PLEC: variants seen among roughly 807,000 people sequenced by gnomAD.
PLEC encodes plectin.
Under a neutral mutation model 392.8 loss-of-function variants are expected in PLEC, and 216 were observed. The observed-to-expected ratio is 0.55, with a 90% CI of 0.49 to 0.62. The LOEUF is 0.62. Among genes scored for constraint, PLEC ranks in the 20% least tolerant of loss-of-function variants. The probability of loss-of-function intolerance (pLI) is 0.00; values close to 1 mark genes in which losing one functional copy is unlikely to be tolerated. For missense variants in PLEC, 6,863 were observed against 6,563.4 expected (o/e 1.05, Z -1.58); for synonymous variants, 3,621 against 2,980.6 (o/e 1.21, Z -7.00).
At chr8:143,945,625 G>A (rs1554731772) in intron 1 of PLEC, among the ~76,000 whole-genome samples, 1 of 152,210 alleles carries the variant, frequency 6.6e-6, no homozygotes, top group African/African-American at 2.4e-5. Context: ...ATACCATGAA[G>A]GCCTCATACA....
In PLEC at chr8:143,944,803, GC is replaced by G; in HGVS notation, c.523+5380del. On this transcript the variant is annotated intron_variant, in intron 1 of 31. Transcript: ENST00000322810. ...CACGGCCGTGCTGCTGTCAGCAGCA[GC>G]TTGTGGGGGAGGGGAGCAGTGGGCA... 8.9e-6 allele frequency: 8 copies of G among 898,964 alleles called. No individual in the cohort carries two copies. In the East Asian group the frequency reaches 2.7e-4, roughly 30 times the overall value. The allele number at this position is 898,964 out of a possible 1,614,324, so 55.7% of individuals were successfully genotyped here.
rs782089722 is a variant in PLEC, at chr8:143,924,596, G to A, written c.5333C>T (p.Ser1778Leu). 83 of 1,548,342 alleles carry A rather than the reference G, an allele frequency of 5.4e-5. No individual in the cohort carries two copies. In the Middle Eastern group the frequency reaches 8.3e-4, roughly 15 times the overall value. The change falls in exon 31 of 32, where the codon TCG becomes TTG. Residue 1778 changes from serine to leucine, a missense_variant. Transcript: ENST00000345136. ...CTTGGACTTCTCGCTGGTGGAGCGC[G>A]ACTCCTCCTCAGCCCTCGCCTTGCT... ...LASKARAEEE[S>L]RSTSEKSKQR... is the part of the protein sequence containing the mutation.
Position 143,923,168 on chromosome 8 carries a change from A to G in PLEC, c.6761T>C (p.Leu2254Pro). 2 of 1,602,416 alleles carry G rather than the reference A, an allele frequency of 1.2e-6. No individual in the cohort carries two copies. The highest frequency in any genetic ancestry group is 1.7e-6 in the Non-Finnish European group (2 of 1,179,854). The change falls in exon 31 of 32, where the codon CTC becomes CCC. Residue 2254 changes from leucine (L) to proline (P), a missense_variant. Transcript: ENST00000345136. ...KARIEAENRA[L>P]ILRDKDNTQR... ...CGTATTGTCCTTGTCACGCAAGATGAGTGCGCGGTTCTCAGCCTCGATGCG... is the reference window on the plus strand; with the variant it reads ...CGTATTGTCCTTGTCACGCAAGATGGGTGCGCGGTTCTCAGCCTCGATGCG...
At position 143,918,301 on chromosome 8, in the gene PLEC, G is replaced by A. The variant is rs1586778011; in HGVS notation, c.11520C>T (p.Pro3840=). The change falls in exon 32 of 32, where the codon CCC becomes CCT. Residue 3840 remains proline (P), a synonymous_variant. Transcript: ENST00000345136. Reference sequence around the variant, plus strand: ...GGTCCACGTAGCTGCGCACCTCGCTGGGCTCTGACAGCTGGTCGTGCGTGT... The same window carrying A: ...GGTCCACGTAGCTGCGCACCTCGCTAGGCTCTGACAGCTGGTCGTGCGTGT... ...NKDTHDQLSE[P]SEVRSYVDPS... is the part of the protein sequence containing the mutation. 1.3e-6 allele frequency: 2 copies of A among 1,591,954 alleles called. No homozygotes were observed. The highest frequency in any genetic ancestry group is 1.7e-6 in the Non-Finnish European group (2 of 1,176,446).
At chr8:143,933,894 C>A in intron 12 of PLEC, 104 bp downstream of exon 12, 2 of 1,009,160 alleles carry the variant, frequency 2.0e-6, no homozygotes, top group Middle Eastern at 3.0e-4. Flanking sequence ...CTGCCCCTGC[C>A]CCAGGAGCCC....
chr8:143,916,959 T>A lies in PLEC; in HGVS notation c.12862A>T (p.Thr4288Ser), dbSNP rs12676664. The stretch of plus-strand genomic sequence containing the variant: ...TCGGTGATGGACACCTTCTCCAGCG[T>A]CTCCGTGTCCAGGATGCCAGCCACG... ...GPVAGILDTE[T>S]LEKVSITEAM... Residue 4288 changes from threonine to serine, a missense_variant, in exon 32 of 32, where the codon ACG becomes TCG. Physicochemically the swap from Thr to Ser is moderately conservative, Grantham distance 58. Transcript: ENST00000345136. The A allele has an allele frequency of 6.2e-7, 1 of 1,612,806 alleles. No individual in the cohort carries two copies. Among genetic ancestry groups the A allele is most frequent in the East Asian group, 2.2e-5 (1 of 44,866 alleles).
intron 1 of PLEC, among the ~76,000 whole-genome samples, chr8:143,959,422 C>T (rs1554740126): frequency 1.3e-5 from 2 of 152,276 alleles, no homozygotes; most frequent in Non-Finnish European, 2.9e-5. Flanking sequence ...GCAGGGAACG[C>T]CCCGGCTCCA....
At position 143,918,761 on chromosome 8, in the gene PLEC, T is replaced by C. The variant is rs782661646; in HGVS notation, c.11060A>G (p.Tyr3687Cys). ...GACACCAGCCACGGAGCCCGTGCCA[T>C]AGAGGTAGCACCAGGCGGACTCCGC... Reference protein sequence around the residue: ...LEAESAWCYLYGTGSVAGVYL... With the variant: ...LEAESAWCYLCGTGSVAGVYL... Residue 3687 changes from tyrosine (Y) to cysteine (C), a missense_variant, in exon 32 of 32, where the codon TAT becomes TGT. Coordinates refer to ENST00000345136, the MANE Select transcript of PLEC (RefSeq NM_201384.3). 63 of 1,612,926 alleles carry C rather than the reference T, an allele frequency of 3.9e-5. No homozygotes were observed. Among genetic ancestry groups the C allele is most frequent in the Non-Finnish European group, 4.7e-5 (56 of 1,180,006 alleles).
rs1326708539 is a variant in PLEC, at chr8:143,938,518, G to A, written c.174+113C>T. 33 of 1,553,974 alleles carry A rather than the reference G, an allele frequency of 2.1e-5. 1 individual carries two copies. The highest frequency in any genetic ancestry group is 6.7e-5 in the Admixed American group (4 of 59,580). ...ACAGAAAATAACAGGTTTCAGAGAT[G>A]AAAGGTGAGCACACAGGCAGCATGG... is the stretch of plus-strand genomic sequence containing the variant. On this transcript the variant is annotated intron_variant, in intron 2 of 31. Coordinates refer to ENST00000345136, the MANE Select transcript of PLEC (RefSeq NM_201384.3).
intron 16 of PLEC, 79 bp downstream of exon 16, chr8:143,932,321 G>A (rs1240068168): frequency 3.1e-6 from 5 of 1,607,912 alleles, no homozygotes; most frequent in Non-Finnish European, 4.2e-6. Flanking sequence ...GGCCCCCACT[G>A]GTCTCTGACC....
At chr8:143,956,404 C>A (rs375855971), upstream of PLEC, among the ~76,000 whole-genome samples, 166 of 152,242 alleles carry the variant, frequency 1.1e-3, 5 homozygotes, top group South Asian at 0.034. Flanking sequence ...ACCGTCTCTG[C>A]AAAAAACTAA....
In PLEC at chr8:143,973,264, T is replaced by A; in HGVS notation, c.70+139A>T. 1 of 1,019,338 alleles carries A rather than the reference T, an allele frequency of 9.8e-7. No individual in the cohort carries two copies. The highest frequency in any genetic ancestry group is 1.4e-6 in the Non-Finnish European group (1 of 723,210). 63.1% of individuals were successfully genotyped at this position (1,019,338 alleles called of 1,614,324 possible). ...CCCTTCCCTAGGCACTGGCAGCCGT[T>A]GGGGGCGATCCAGGCGGACGAGGCC... On this transcript the variant is annotated intron_variant, in intron 1 of 31. Transcript: ENST00000356346. The surrounding 1 kb of genome is among the most constrained non-coding windows in gnomAD (Gnocchi z 5.6).
At chr8:143,930,615 C>T in intron 19 of PLEC, 79 bp from the exon 20 acceptor site, 1 of 1,479,216 alleles carries the variant, frequency 6.8e-7, no homozygotes, top group African/African-American at 1.4e-5. Flanking sequence ...ACCCCGGGAC[C>T]AGGCCTGTGG....
Position 143,924,700 on chromosome 8 carries a change from C to T in PLEC, c.5229G>A (p.Ala1743=), listed in dbSNP as rs140406501. 40,459 of 1,534,710 alleles carry T rather than the reference C, an allele frequency of 0.026. 782 individuals are homozygous for T. Among genetic ancestry groups the T allele is most frequent in the Admixed American group, 0.1 (5,192 of 50,950 alleles). The change falls in exon 31 of 32, where the codon GCG becomes GCA. Residue 1743 remains alanine, a synonymous_variant. Coordinates refer to ENST00000345136, the MANE Select transcript of PLEC (RefSeq NM_201384.3). ...EEELARLQRE[A]AAATQKRQEL... The stretch of plus-strand genomic sequence containing the variant: ...CCTGCCGTTTCTGCGTGGCTGCAGC[C>T]GCCTCACGCTGCAGCCGGGCCAGCT...
At chr8:143,950,241 G>A (rs1401440627) in exon 1 of PLEC, 3 of 1,562,074 alleles carry the variant, frequency 1.9e-6, no homozygotes, top group Admixed American at 1.9e-5. Flanking sequence ...GTGGTAGCAG[G>A]CACCACAGGG....
intron 1 of PLEC, among the ~76,000 whole-genome samples, chr8:143,967,312 G>A (rs995101485): frequency 8.9e-5 from 12 of 135,068 alleles, no homozygotes; most frequent in South Asian, 4.9e-4. Context: ...GCAGTGAGCC[G>A]AGATCGCGCC....
chr8:143,961,637 G>A (rs1397776691), intron 1 of PLEC, among the ~76,000 whole-genome samples: 1 of 152,188 alleles, frequency 6.6e-6, no homozygotes, highest in East Asian at 1.9e-4. Flanking sequence ...TGTCCTAGGA[G>A]AAAGGATTGA....
Position 143,927,689 on chromosome 8 carries a change from C to G in PLEC, c.3477G>C (p.Val1159=), listed in dbSNP as rs781867658. 8.8e-6 allele frequency: 14 copies of G among 1,582,726 alleles called. No homozygotes were observed. The East Asian group carries it at 2.1e-4, about 24-fold the overall frequency. ...CGTGCCGCTGCTGCAGTCGCTCCCC[C>G]ACCTCCTGTGCCCCCCGCAGCTCAT... ...LRDELRGAQE[V]GERLQQRHGE... The change falls in exon 27 of 32, where the codon GTG becomes GTC. Residue 1159 remains valine (V), a synonymous_variant. Transcript: ENST00000345136.
At chr8:143,971,274 C>G (rs1833415585) in intron 1 of PLEC, among the ~76,000 whole-genome samples, 2 of 152,172 alleles carry the variant, frequency 1.3e-5, no homozygotes, top group South Asian at 4.1e-4. Flanking sequence ...GCCAGAGCAC[C>G]TCCTCAGTGC....
Sources: gnomAD v4.1 joint callset for allele counts (sites outside exome capture counted in the v4.1 genomes callset) on GRCh38, gnomAD v4.1.1 for gene constraint, Gnocchi (gnomAD v3.1) non-coding constraint, MANE v1.5 for transcripts, NCBI Gene and HGNC (gene_info 2026-07-23, HGNC 2026-07-21) for gene names.